Variants in MAGEC3 observed in about 807,000 individuals in gnomAD.
MAGEC3 encodes the protein melanoma-associated antigen C3.
MAGEC3 carries 34 observed loss-of-function variants against 35.3 expected under a neutral mutation model. The observed-to-expected ratio is 0.96, with a 90% CI of 0.73 to 1.28. MAGEC3 has a LOEUF of 1.28. Ranked by LOEUF, MAGEC3 falls within the 50% of genes most tolerant of loss-of-function variation. The pLI is 0.00. For synonymous variants in MAGEC3, 202 were observed against 185.6 expected (o/e 1.09, Z -0.72); for missense variants, 561 against 483.6 (o/e 1.16, Z -1.50).
intron 2 of MAGEC3, among the ~76,000 whole-genome samples, chrX:141,875,115 C>T (rs1310441734): frequency 8.1e-5 from 9 of 111,360 alleles, no homozygotes; most frequent in Non-Finnish European, 1.7e-4. Flanking sequence ...AAAGGAGAGG[C>T]ACCAGCAAAA....
At chrX:141,869,420 A>C (rs970912145) in intron 2 of MAGEC3, among the ~76,000 whole-genome samples, 1 of 112,568 alleles carries the variant, frequency 8.9e-6, no homozygotes, top group Non-Finnish European at 1.9e-5. Flanking sequence ...TACTTTGCTT[A>C]GTTGTTAAAG....
intron 1 of MAGEC3, among the ~76,000 whole-genome samples, chrX:141,843,593 A>T (rs1382926228): frequency 9.0e-6 from 1 of 110,919 alleles, no homozygotes; most frequent in Non-Finnish European, 1.9e-5. Context: ...ATGCTCCTCA[A>T]GCAGGTATAC....
intron 4 of MAGEC3, chrX:141,894,596 T>C: frequency 2.2e-6 from 2 of 925,888 alleles, no homozygotes; most frequent in Non-Finnish European, 2.7e-6. Context: ...CTGGAAGGAG[T>C]AAAACCTTGA....
chrX:141,866,791 G>A lies in MAGEC3; in HGVS notation c.258+1186G>A, dbSNP rs1245781647. ...GCAATGAAAATGAAGCTCAAATAAG[G>A]CTTACCTTCAAAATAAGAAATGAAG... On this transcript the variant is annotated intron_variant, in intron 2 of 7. Coordinates refer to ENST00000298296, the MANE Select transcript of MAGEC3 (RefSeq NM_138702.1). 2.7e-5 allele frequency among the ~76,000 whole-genome samples: 3 copies of A among 112,007 alleles called. No homozygotes were observed. The Admixed American group carries it at 2.8e-4, about 11-fold the overall frequency.
rs1485889747 is a variant in MAGEC3, at chrX:141,845,555, A to C, written c.123+7117A>C. ...CTTGAGGTGTAAATGTATTAAGTGA[A>C]TATATCTCTACTGACATTCAACTTC... On this transcript the variant is annotated intron_variant, in intron 1 of 7. Transcript: ENST00000298296. Among the ~76,000 whole-genome samples, 3 of 111,243 alleles carry C rather than the reference A, an allele frequency of 2.7e-5. No homozygotes were observed. The East Asian group carries it at 8.4e-4, about 31-fold the overall frequency.
At chrX:141,848,109 C>A (rs2017728157) in intron 1 of MAGEC3, among the ~76,000 whole-genome samples, 1 of 109,294 alleles carries the variant, frequency 9.1e-6, no homozygotes. Context: ...ATACACGCAT[C>A]TATATGTATA....
chrX:141,867,822 G>A (rs1689221526), intron 2 of MAGEC3, among the ~76,000 whole-genome samples: 1 of 112,115 alleles, frequency 8.9e-6, no homozygotes, highest in Non-Finnish European at 1.9e-5. Context: ...TTAATATTTG[G>A]CTTAAAAGGA....
chrX:141,840,711 T>G (rs1224608820), intron 1 of MAGEC3, among the ~76,000 whole-genome samples: 1 of 110,736 alleles, frequency 9.0e-6, no homozygotes, highest in Non-Finnish European at 1.9e-5. Flanking sequence ...GCCTGATGTA[T>G]TAGCATTAGC....
Position 141,862,002 on chromosome X carries a change from C to A in MAGEC3, c.124-3469C>A, listed in dbSNP as rs761750207. Among the ~76,000 whole-genome samples the A allele has an allele frequency of 5.4e-5, 6 of 111,648 alleles. No homozygotes were observed. The South Asian group carries it at 1.1e-3, about 21-fold the overall frequency. ...ATAAACAAAGTGAAGAGACAATTCC[C>A]TTCCTTGAAAGGAAGAAAATATTTG... is the stretch of plus-strand genomic sequence containing the variant. On this transcript the variant is annotated intron_variant, in intron 1 of 7. Coordinates refer to ENST00000298296, the MANE Select transcript of MAGEC3 (RefSeq NM_138702.1).
intron 1 of MAGEC3, among the ~76,000 whole-genome samples, chrX:141,850,107 C>T (rs772457677): frequency 9.0e-6 from 1 of 111,173 alleles, no homozygotes; most frequent in Non-Finnish European, 1.9e-5. Flanking sequence ...TTATGCTAAG[C>T]GAGTTAATGT....
chrX:141,871,351 CAG>C (rs938069717), intron 2 of MAGEC3, among the ~76,000 whole-genome samples: 11 of 108,201 alleles, frequency 1.0e-4, no homozygotes, highest in African/African-American at 2.3e-4. Flanking sequence ...ATAAGGAAAA[CAG>C]AGATTTTTTT....
chrX:141,868,680 T>A lies in MAGEC3; in HGVS notation c.258+3075T>A, dbSNP rs537454730. Among the ~76,000 whole-genome samples, 7 of 109,900 alleles carry A rather than the reference T, an allele frequency of 6.4e-5. No homozygotes were observed. The South Asian group carries it at 2.7e-3, about 43-fold the overall frequency. ...TTAAATACCTATGAGTTGGGCAAAT[T>A]TTTTTTCTTGAGGTTCTAAGATCAC... On this transcript the variant is annotated intron_variant, in intron 2 of 7. Transcript: ENST00000298296.
At chrX:141,867,426 C>T (rs2017856109) in intron 2 of MAGEC3, among the ~76,000 whole-genome samples, 1 of 111,392 alleles carries the variant, frequency 9.0e-6, no homozygotes, top group South Asian at 3.8e-4. Context: ...AAAATTCTCC[C>T]TCCCAGATAA....
chrX:141,886,616 T>C (rs936724364), intron 4 of MAGEC3, among the ~76,000 whole-genome samples: 5 of 110,958 alleles, frequency 4.5e-5, no homozygotes, highest in Non-Finnish European at 9.4e-5. Flanking sequence ...AATAAATATT[T>C]AGCTCAGCTT....
chrX:141,882,420 TA>T (rs35685983), intron 4 of MAGEC3, among the ~76,000 whole-genome samples: 37 of 110,620 alleles, frequency 3.3e-4, no homozygotes, highest in African/African-American at 9.2e-4. Flanking sequence ...TGATATTTTG[TA>T]AAAAAAAATG....
In MAGEC3 at chrX:141,868,950, C is replaced by T. The variant is rs185398469; in HGVS notation, c.258+3345C>T. Among the ~76,000 whole-genome samples the T allele has an allele frequency of 8.3e-3, 908 of 109,395 alleles. 7 individuals carry two copies. The highest frequency in any genetic ancestry group is 0.029 in the African/African-American group (865 of 29,976). 95.0% of individuals were successfully genotyped at this position (109,395 alleles called of 115,157 possible). ...AGGCGGGAGTGCAGTGGTGCTATCTCGGCTCACTGCAAGCTCCGCCTCTCG... is the reference window on the plus strand; with the variant it reads ...AGGCGGGAGTGCAGTGGTGCTATCTTGGCTCACTGCAAGCTCCGCCTCTCG... On this transcript the variant is annotated intron_variant, in intron 2 of 7. Transcript: ENST00000298296.
chrX:141,867,617 A>G (rs571584471), intron 2 of MAGEC3, among the ~76,000 whole-genome samples: 2 of 112,241 alleles, frequency 1.8e-5, no homozygotes, highest in African/African-American at 6.5e-5. Context: ...GGAAAGGCCT[A>G]TGCATTATTT....
intron 2 of MAGEC3, among the ~76,000 whole-genome samples, chrX:141,866,408 A>C (rs770462218): frequency 4.2e-4 from 47 of 112,435 alleles, no homozygotes; most frequent in African/African-American, 1.2e-3. Context: ...TGATTAAAAT[A>C]CCACTTTACA....
rs371840287 is a variant in MAGEC3 at position 141,897,370 on chromosome X, A to T, written c.1612A>T (p.Ile538Phe). Residue 538 changes from isoleucine to phenylalanine, a missense_variant, in exon 7 of 8, where the codon ATT becomes TTT. Transcript: ENST00000298296. Reference sequence around the variant, plus strand: ...AGACCTCACCTATGAGGGAAGCCTGATTGATGACCAGGGCATGCCCAAGAA... The same window carrying T: ...AGACCTCACCTATGAGGGAAGCCTGTTTGATGACCAGGGCATGCCCAAGAA... ...TLDLTYEGSL[I>F]DDQGMPKNCL... 2.6e-5 allele frequency: 31 copies of T among 1,210,373 alleles called. No homozygotes were observed. In the African/African-American group the frequency reaches 5.1e-4, roughly 20 times the overall value.
Sources: allele counts gnomAD v4.1 joint callset (sites outside exome capture counted in the v4.1 genomes callset), GRCh38; gene constraint gnomAD v4.1.1; transcripts MANE v1.5; gene names NCBI Gene and HGNC (gene_info 2026-07-23, HGNC 2026-07-21).